MCF2: variants seen among roughly 807,000 people sequenced by gnomAD.
MCF2 encodes the protein proto-oncogene DBL.
Under a neutral mutation model 82.5 loss-of-function variants are expected in MCF2, and 44 were observed. The ratio of observed to expected loss-of-function variants is 0.53; its 90% CI spans 0.42 to 0.69. The LOEUF (loss-of-function observed/expected upper bound fraction) is 0.69, where lower values mean the gene tolerates loss of function less well. MCF2 is among the 30% of genes least tolerant of loss of function. The pLI, the probability that MCF2 is intolerant of heterozygous loss-of-function variation, is 0.00. For synonymous variants in MCF2, 217 were observed against 224.9 expected (o/e 0.96, Z 0.32); for missense variants, 623 against 663.1 (o/e 0.94, Z 0.66).
chrX:139,600,391 G>A (rs2148423026), intron 16 of MCF2, among the ~76,000 whole-genome samples: 1 of 111,590 alleles, frequency 9.0e-6, no homozygotes, highest in South Asian at 3.8e-4. Flanking sequence ...TTGCACAGCT[G>A]GGTGCCTTCT....
chrX:139,604,773 A>T, intron 14 of MCF2, 23 bp from the exon 19 acceptor site: 1 of 1,148,902 alleles, frequency 8.7e-7, no homozygotes, highest in Non-Finnish European at 1.2e-6. Context: ...CAGAGAAAAA[A>T]AATTGCATGA....
chrX:139,632,330 C>T lies in MCF2; in HGVS notation c.171+5G>A. On this transcript the variant is annotated splice_donor_5th_base_variant and intron_variant, in intron 2 of 24. Coordinates refer to ENST00000370576, the Ensembl canonical transcript of MCF2. ...GAACAAAACATTTAAATAATATACT[C>T]TTACTGGTAATTTAAGCATAAAATC... 1 of 1,184,327 alleles carries T rather than the reference C, an allele frequency of 8.4e-7. No homozygotes were observed. Among genetic ancestry groups the T allele is most frequent in the South Asian group, 1.8e-5 (1 of 54,257 alleles).
intron 15 of MCF2, among the ~76,000 whole-genome samples, chrX:139,603,352 G>A (rs532689318): frequency 1.2e-4 from 14 of 112,160 alleles, no homozygotes; most frequent in African/African-American, 4.5e-4. Flanking sequence ...ATGGACTCTC[G>A]TTCTAAGGGC....
chrX:139,612,240 G>A (rs181683916), intron 10 of MCF2, among the ~76,000 whole-genome samples: 1 of 110,985 alleles, frequency 9.0e-6, no homozygotes, highest in African/African-American at 3.3e-5. Flanking sequence ...CATTCACCAA[G>A]ATGAAGAGTA....
chrX:139,651,146 G>A (rs973850691), intron 2 of MCF2, among the ~76,000 whole-genome samples: 2 of 98,973 alleles, frequency 2.0e-5, no homozygotes, highest in Middle Eastern at 4.7e-3. Context: ...CGTACTTAAT[G>A]CCGCTGAACT....
At chrX:139,585,132 C>A (rs140144254) in exon 24 of MCF2, 1 of 1,203,549 alleles carries the variant, frequency 8.3e-7, no homozygotes, top group Non-Finnish European at 1.1e-6. Context: ...TTGACCATTC[C>A]GCAGGTTCTT....
intron 1 of MCF2, among the ~76,000 whole-genome samples, chrX:139,701,014 C>A (rs1021899449): frequency 1.8e-5 from 2 of 111,558 alleles, no homozygotes; most frequent in African/African-American, 3.3e-5. Context: ...CTCCCCAGAT[C>A]CACTCATTAT....
chrX:139,605,812 T>A, intron 12 of MCF2, 33 bp from the exon 17 acceptor site: 1 of 1,023,514 alleles, frequency 9.8e-7, no homozygotes, highest in Non-Finnish European at 1.4e-6. Flanking sequence ...ATCAGTTATT[T>A]TATTACTGAG....
intron 10 of MCF2, among the ~76,000 whole-genome samples, chrX:139,613,928 T>C (rs1010159165): frequency 9.0e-6 from 1 of 111,257 alleles, no homozygotes; most frequent in African/African-American, 3.3e-5. Flanking sequence ...TCATCACCTT[T>C]TGAAAATCTG....
chrX:139,655,541 T>C (rs1202525453), intron 1 of MCF2, among the ~76,000 whole-genome samples: 1 of 111,755 alleles, frequency 8.9e-6, no homozygotes, highest in African/African-American at 3.3e-5. Flanking sequence ...ATTATTATAC[T>C]TTAAGTTCTA....
At chrX:139,583,884 C>A (rs1928688063) in intron 24 of MCF2, among the ~76,000 whole-genome samples, 1 of 111,438 alleles carries the variant, frequency 9.0e-6, no homozygotes, top group African/African-American at 3.3e-5. Context: ...ACAATTAACT[C>A]TGGACAAATA....
At chrX:139,654,757 A>G (rs1278365277) in intron 1 of MCF2, among the ~76,000 whole-genome samples, 1 of 111,510 alleles carries the variant, frequency 9.0e-6, no homozygotes, top group Non-Finnish European at 1.9e-5. Context: ...ATTTTCATCT[A>G]GTAGTTTCAT....
intron 18 of MCF2, among the ~76,000 whole-genome samples, 174 bp downstream of exon 22, chrX:139,597,286 T>G (rs778526034): frequency 9.0e-6 from 1 of 111,389 alleles, no homozygotes; most frequent in African/African-American, 3.3e-5. Flanking sequence ...ATAAATCCAT[T>G]TGGCTGCTGA....
exon 1 of MCF2, chrX:139,642,859 G>T: frequency 5.6e-6 from 5 of 887,549 alleles, no homozygotes; most frequent in Non-Finnish European, 6.9e-6. Flanking sequence ...GAAGGAGGAG[G>T]AAAAAAAAAC....
At chrX:139,597,747 C>A (rs1008892367) in intron 17 of MCF2, among the ~76,000 whole-genome samples, 162 bp from the exon 22 acceptor site, 1 of 111,111 alleles carries the variant, frequency 9.0e-6, no homozygotes, top group African/African-American at 3.3e-5. Context: ...TTTTTAATGG[C>A]TGTCAAAATA....
intron 1 of MCF2, among the ~76,000 whole-genome samples, chrX:139,683,889 T>C (rs190745018): frequency 1.9e-3 from 214 of 112,265 alleles, no homozygotes; most frequent in African/African-American, 6.6e-3. Flanking sequence ...GACAAACACA[T>C]AGTTGTAATT....
chrX:139,609,052 G>C (rs1202977058), intron 11 of MCF2, among the ~76,000 whole-genome samples: 1 of 112,189 alleles, frequency 8.9e-6, no homozygotes, highest in African/African-American at 3.2e-5. Context: ...TCCATGATGA[G>C]AGTGTTCTAT....
rs768873966 is a variant in MCF2, at chrX:139,692,959, G to A, written c.-45+15147C>T. Among the ~76,000 whole-genome samples the A allele has an allele frequency of 2.7e-5, 3 of 112,428 alleles. No individual in the cohort carries two copies. The East Asian group carries it at 8.4e-4, about 32-fold the overall frequency. On this transcript the variant is annotated intron_variant, in intron 1 of 27. Transcript: ENST00000414978. ...AGACACTTGAGCTGCCATCTGCCAT[G>A]GGCATGGGAGACTTGACACGCTTTA...
At position 139,696,341 on chromosome X, in the gene MCF2, TCTCTCCTCTCCTCTCCTCTC is replaced by T. The variant is rs1213782978; in HGVS notation, c.-45+11745_-45+11764del. 2.8e-3 allele frequency among the ~76,000 whole-genome samples: 239 copies of T among 86,106 alleles called. 1 individual carries two copies. Among genetic ancestry groups the T allele is most frequent in the African/African-American group, 0.012 (222 of 17,775 alleles). 74.8% of individuals were successfully genotyped at this position (86,106 alleles called of 115,157 possible). On this transcript the variant is annotated intron_variant, in intron 1 of 27. Coordinates refer to the MCF2 transcript ENST00000414978. ...TCTTTCCTTCCTTCCTTCTTTCTCT[TCTCTCCTCTCCTCTCCTCTC>T]CTCTCCTCTCCTCTCCTCTCTTCTC...
Sources: allele counts gnomAD v4.1 joint callset (sites outside exome capture counted in the v4.1 genomes callset), GRCh38; gene constraint gnomAD v4.1.1; transcripts MANE v1.5; gene names NCBI Gene and HGNC (gene_info 2026-07-23, HGNC 2026-07-21).